Variants in AATK observed in about 807,000 individuals in gnomAD.
AATK encodes lemur tail kinase 1.
AATK carries 91 observed loss-of-function variants against 114.3 expected under a neutral mutation model. The observed-to-expected ratio is 0.80, with a 90% confidence interval of 0.67 to 0.95. The LOEUF (loss-of-function observed/expected upper bound fraction) is 0.95, where lower values mean the gene tolerates loss of function less well. Among genes scored for constraint, AATK ranks in the 40% least tolerant of loss-of-function variants. The pLI, the probability that AATK is intolerant of heterozygous loss-of-function variation, is 0.00. For missense variants in AATK, 2,176 were observed against 1,965.2 expected (o/e 1.11, Z -2.03); for synonymous variants, 1,075 against 916.5 (o/e 1.17, Z -3.12).
chr17:81,163,413 C>T lies in AATK; in HGVS notation c.55+2525G>A, dbSNP rs2146427837. ...CCGGCCATCCTGCCCATGTGTCACC[C>T]CCATCACCCTGCTTTTCCTGGCCGC... is the stretch of plus-strand genomic sequence containing the variant. On this transcript the variant is annotated intron_variant, in intron 1 of 13. Transcript: ENST00000326724. Among the ~76,000 whole-genome samples the T allele has an allele frequency of 2.0e-5, 3 of 152,356 alleles. No individual in the cohort carries two copies. The Middle Eastern group carries it at 0.01, about 518-fold the overall frequency.
intron 13 of AATK, among the ~76,000 whole-genome samples, 168 bp from the exon 14 acceptor site, chr17:81,118,610 G>A (rs2060605247): frequency 6.6e-6 from 1 of 152,224 alleles, no homozygotes; most frequent in African/African-American, 2.4e-5. Flanking sequence ...CCCCACTCCT[G>A]TCACTGGACT....
intron 2 of AATK, 48 bp from the exon 3 acceptor site, chr17:81,131,253 G>A: frequency 2.0e-6 from 3 of 1,518,846 alleles, no homozygotes; most frequent in Non-Finnish European, 2.6e-6. Context: ...GGTCAAGGAA[G>A]GGTGTGGCTG....
At position 81,120,285 on chromosome 17, in the gene AATK, C is replaced by CAGCAGGCTGGGCATCTTG. The variant is rs1190922363; in HGVS notation, c.3633_3650dup (p.Lys1212_Leu1217dup). ...CCAGGTCCTCGCAGAAGGTCTCGGA[C>CAGCAGGCTGGGCATCTTG]AGCAGGCTGGGCATCTTGAGCAGGC... On this transcript the variant is annotated inframe_insertion, in exon 11 of 14. Coordinates refer to ENST00000326724, the MANE Select transcript of AATK (RefSeq NM_001080395.3). The CAGCAGGCTGGGCATCTTG allele has an allele frequency of 1.2e-5, 20 of 1,608,742 alleles. No individual in the cohort carries two copies. Among genetic ancestry groups the CAGCAGGCTGGGCATCTTG allele is most frequent in the Non-Finnish European group, 1.5e-5 (18 of 1,177,634 alleles).
At chr17:81,119,266 C>A in intron 13 of AATK, 114 bp downstream of exon 13, 1 of 1,144,102 alleles carries the variant, frequency 8.7e-7, no homozygotes, top group Non-Finnish European at 1.2e-6. Context: ...AGGAGCGGAG[C>A]GGAGCGGAGC....
At chr17:81,149,166 C>T (rs980311491) in intron 1 of AATK, among the ~76,000 whole-genome samples, 1 of 152,162 alleles carries the variant, frequency 6.6e-6, no homozygotes, top group African/African-American at 2.4e-5. Context: ...GCACCCCCTC[C>T]ATTGTCCGCA....
At chr17:81,138,830 A>G (rs376726311) in intron 1 of AATK, among the ~76,000 whole-genome samples, 34 of 141,724 alleles carry the variant, frequency 2.4e-4, no homozygotes, top group Middle Eastern at 3.9e-3. Flanking sequence ...ACGTGAGCGC[A>G]CACACACCCC....
intron 1 of AATK, among the ~76,000 whole-genome samples, chr17:81,164,185 G>A (rs568445249): frequency 1.3e-5 from 2 of 152,358 alleles, no homozygotes; most frequent in East Asian, 1.9e-4. Context: ...GGAAAACCGA[G>A]GTTCACAGAG....
intron 2 of AATK, chr17:81,132,726 G>T: frequency 3.5e-6 from 1 of 287,904 alleles, no homozygotes; most frequent in Non-Finnish European, 7.2e-6. Flanking sequence ...CAGCATTGGG[G>T]GCCTGCCCAG....
intron 1 of AATK, among the ~76,000 whole-genome samples, chr17:81,146,727 TAAC>T (rs2061225709): frequency 6.6e-6 from 1 of 151,512 alleles, no homozygotes; most frequent in South Asian, 2.1e-4. Context: ...TCAAAACAAA[TAAC>T]AACAAAAAAC....
chr17:81,143,073 C>T (rs1035508988), intron 1 of AATK, among the ~76,000 whole-genome samples: 3 of 152,234 alleles, frequency 2.0e-5, no homozygotes, highest in African/African-American at 7.2e-5. Context: ...GCTTGGGGTG[C>T]TGCCGTCCGC....
At position 81,120,512 on chromosome 17, in the gene AATK, G is replaced by T; in HGVS notation, c.3424C>A (p.Pro1142Thr). 1 of 1,483,662 alleles carries T rather than the reference G, an allele frequency of 6.7e-7. No individual in the cohort carries two copies. The highest frequency in any genetic ancestry group is 9.0e-7 in the Non-Finnish European group (1 of 1,115,066). The allele number at this position is 1,483,662 out of a possible 1,614,324, so 91.9% of individuals were successfully genotyped here. A position where few individuals can be genotyped will look rare whatever the true frequency, so the allele number is the denominator to read the frequency against. ...AGGCCGGGCAGAGCCAGGCGGAGTG[G>T]GGCTCTGGGGGTGCCTGGGCCCCCC... is the stretch of plus-strand genomic sequence containing the variant. ...RMGGPGTPRA[P>T]LRLALPGLPA... Residue 1142 changes from proline to threonine, a missense_variant, in exon 11 of 14, where the codon CCA becomes ACA. Physicochemically the swap from Pro to Thr is conservative, Grantham distance 38 (BLOSUM62 -1). Coordinates refer to ENST00000326724, the MANE Select transcript of AATK (RefSeq NM_001080395.3).
At chr17:81,157,313 G>A (rs530709739) in intron 1 of AATK, among the ~76,000 whole-genome samples, 4 of 152,330 alleles carry the variant, frequency 2.6e-5, no homozygotes, top group South Asian at 2.1e-4. Context: ...CCGACACCGC[G>A]GGCACCGCAC....
intron 1 of AATK, among the ~76,000 whole-genome samples, chr17:81,140,458 G>C (rs572206856): frequency 4.6e-5 from 7 of 152,224 alleles, no homozygotes; most frequent in Non-Finnish European, 1.0e-4. Context: ...TCCACCTCCC[G>C]ATCCTCGAAA....
In AATK at chr17:81,131,146, G is replaced by A. The variant is rs1289484888; in HGVS notation, c.249C>T (p.Ala83=). The A allele has an allele frequency of 1.8e-5, 29 of 1,575,830 alleles. No individual in the cohort carries two copies. The highest frequency in any genetic ancestry group is 2.3e-5 in the Non-Finnish European group (27 of 1,161,840). The change falls in exon 3 of 14, where the codon GCC becomes GCT. Residue 83 remains alanine, a synonymous_variant. Transcript: ENST00000326724. ...YAADLAQGSP[A]TAAQNGPDVY... The stretch of plus-strand genomic sequence containing the variant: ...CGTCGGGCCCGTTCTGTGCTGCCGT[G>A]GCCGGGGAGCCCTGCGCCAGGTCGG...
chr17:81,143,535 A>AC (rs1457301711), intron 1 of AATK, among the ~76,000 whole-genome samples: 1 of 21,182 alleles, frequency 4.7e-5, no homozygotes, highest in Non-Finnish European at 1.1e-4. Context: ...TGCAGCCCCC[A>AC]CCCCCCGTGT....
intron 13 of AATK, among the ~76,000 whole-genome samples, chr17:81,118,909 A>T (rs2060619003): frequency 6.6e-6 from 1 of 152,148 alleles, no homozygotes; most frequent in Non-Finnish European, 1.5e-5. Context: ...GGGTAGGGAC[A>T]CCTGGCAGAG....
chr17:81,127,729 C>T (rs567810338), intron 5 of AATK, 59 bp from the exon 6 acceptor site: 6 of 1,523,100 alleles, frequency 3.9e-6, no homozygotes, highest in African/African-American at 2.8e-5. Context: ...GGAGTCGGGC[C>T]GAGCAGGGGA....
chr17:81,135,812 A>C (rs1054897688), intron 1 of AATK: 2 of 152,392 alleles, frequency 1.3e-5, no homozygotes, highest in African/African-American at 4.8e-5. Flanking sequence ...GCTTGGAGTG[A>C]GGACCAGACA....
At position 81,121,407 on chromosome 17, in the gene AATK, G is replaced by A. The variant is rs1345093500; in HGVS notation, c.2529C>T (p.Ala843=). 1.1e-5 allele frequency: 17 copies of A among 1,608,176 alleles called. No individual in the cohort carries two copies. The highest frequency in any genetic ancestry group is 1.7e-5 in the Admixed American group (1 of 59,608). ...GEVSAIKLAS[A]LNGSSSSPEV... ...CGGGAGAGCTGCTGCTGCCATTCAG[G>A]GCAGAAGCCAGCTTGATGGCAGACA... is the stretch of plus-strand genomic sequence containing the variant. Residue 843 remains alanine (A), a synonymous_variant, in exon 11 of 14, where the codon GCC becomes GCT. Transcript: ENST00000326724.
Sources: gnomAD v4.1 joint callset for allele counts (sites outside exome capture counted in the v4.1 genomes callset) on GRCh38, gnomAD v4.1.1 for gene constraint, MANE v1.5 for transcripts, NCBI Gene and HGNC (gene_info 2026-07-23, HGNC 2026-07-21) for gene names.